Variants in SLC35D4 observed in about 807,000 individuals in gnomAD.
SLC35D4 encodes the protein solute carrier family 35 member D4.
chr18:23,333,481 T>A, the SLC35D4 span, among the ~76,000 whole-genome samples: 1 of 152,226 alleles, frequency 6.6e-6, no homozygotes, highest in Non-Finnish European at 1.5e-5. Context: ...GCCAAAGTGT[T>A]GTACTCCCTT....
the SLC35D4 span, chr18:23,368,681 G>A: frequency 8.1e-7 from 1 of 1,233,052 alleles, no homozygotes. Flanking sequence ...ATTAGGATAT[G>A]AATTGTTCTT....
chr18:23,400,605 C>T, the SLC35D4 span, among the ~76,000 whole-genome samples: 32 of 152,050 alleles, frequency 2.1e-4, no homozygotes, highest in South Asian at 8.3e-4. Context: ...CCAACCTGGG[C>T]GACAGAGCAA....
the SLC35D4 span, among the ~76,000 whole-genome samples, chr18:23,249,671 G>A: frequency 6.6e-6 from 1 of 152,106 alleles, no homozygotes; most frequent in Non-Finnish European, 1.5e-5. Context: ...ATCTCATCTC[G>A]TTTTGGAGGA....
At chr18:23,372,038 C>G in the SLC35D4 span, among the ~76,000 whole-genome samples, 1 of 141,136 alleles carries the variant, frequency 7.1e-6, no homozygotes, top group Non-Finnish European at 1.5e-5. Flanking sequence ...CGGGTTCACG[C>G]CATTCTCCTG....
chr18:23,338,031 C>G, the SLC35D4 span, among the ~76,000 whole-genome samples: 1 of 152,188 alleles, frequency 6.6e-6, no homozygotes, highest in African/African-American at 2.4e-5. Flanking sequence ...GTTATGGAGA[C>G]AGCTTTGAAG....
the SLC35D4 span, among the ~76,000 whole-genome samples, chr18:23,298,398 A>T: frequency 1.3e-5 from 2 of 152,224 alleles, no homozygotes; most frequent in Admixed American, 1.3e-4. Flanking sequence ...GGCAGGAGAG[A>T]TCCCATAGAG....
chr18:23,430,706 A>G, the SLC35D4 span: 1 of 1,589,690 alleles, frequency 6.3e-7, no homozygotes, highest in African/African-American at 1.3e-5. Context: ...ATTACTGGAC[A>G]TTTCAAATGA....
chr18:23,382,334 C>A, the SLC35D4 span, among the ~76,000 whole-genome samples: 1 of 151,104 alleles, frequency 6.6e-6, no homozygotes, highest in Non-Finnish European at 1.5e-5. Context: ...AGCTAAGCCA[C>A]TCTCAGGGAA....
At chr18:23,382,692 T>C in the SLC35D4 span, among the ~76,000 whole-genome samples, 4 of 152,078 alleles carry the variant, frequency 2.6e-5, no homozygotes, top group African/African-American at 9.7e-5. Flanking sequence ...CACGATGGTG[T>C]TGTAAGTAAA....
At chr18:23,275,615 T>C in the SLC35D4 span, among the ~76,000 whole-genome samples, 3 of 141,378 alleles carry the variant, frequency 2.1e-5, no homozygotes, top group Admixed American at 7.1e-5. Context: ...TGCTGTGCTG[T>C]GCTGTGCTGT....
chr18:23,344,703 G>A, the SLC35D4 span, among the ~76,000 whole-genome samples: 1 of 150,524 alleles, frequency 6.6e-6, no homozygotes, highest in African/African-American at 2.4e-5. Flanking sequence ...CTGGGTTCAT[G>A]CCATTTTCCT....
At chr18:23,419,284 T>C in the SLC35D4 span, among the ~76,000 whole-genome samples, 2 of 143,666 alleles carry the variant, frequency 1.4e-5, no homozygotes, top group South Asian at 2.2e-4. Context: ...CTTTAAAATT[T>C]CTTTTTTTTC....
chr18:23,309,076 T>C, the SLC35D4 span, among the ~76,000 whole-genome samples: 1 of 152,094 alleles, frequency 6.6e-6, no homozygotes, highest in South Asian at 2.1e-4. Flanking sequence ...GCTATGTAAA[T>C]AGTTGTTATA....
the SLC35D4 span, among the ~76,000 whole-genome samples, chr18:23,349,883 T>C: frequency 1.3e-5 from 2 of 152,242 alleles, no homozygotes; most frequent in African/African-American, 4.8e-5. Context: ...AGATTCTGTA[T>C]TCACCGAGTC....
At chr18:23,350,123 C>A in the SLC35D4 span, among the ~76,000 whole-genome samples, 2 of 152,222 alleles carry the variant, frequency 1.3e-5, no homozygotes, top group South Asian at 4.1e-4. Flanking sequence ...ACTCTGAAAT[C>A]TGACTTTCCC....
chr18:23,415,515 TGAGCC>T, the SLC35D4 span, among the ~76,000 whole-genome samples: 1 of 152,256 alleles, frequency 6.6e-6, no homozygotes, highest in Non-Finnish European at 1.5e-5. Flanking sequence ...AAATTACACC[TGAGCC>T]TGCCTTCTGC....
chr18:23,412,884 G>T, the SLC35D4 span, among the ~76,000 whole-genome samples: 1 of 152,178 alleles, frequency 6.6e-6, no homozygotes, highest in Non-Finnish European at 1.5e-5. Context: ...ATTTACTCCT[G>T]GCACATCTGT....
the SLC35D4 span, among the ~76,000 whole-genome samples, chr18:23,306,294 T>G: frequency 6.6e-6 from 1 of 151,628 alleles, no homozygotes; most frequent in African/African-American, 2.4e-5. Flanking sequence ...TGGAAAAAAA[T>G]ACTTACTTTC....
the SLC35D4 span, among the ~76,000 whole-genome samples, chr18:23,246,265 C>CA: frequency 0.045 from 6,304 of 140,634 alleles, 265 homozygotes; most frequent in African/African-American, 0.11. Flanking sequence ...GACTCCATCT[C>CA]AAAAAAAAAA....
Sources: gnomAD v4.1 joint callset for allele counts (sites outside exome capture counted in the v4.1 genomes callset) on GRCh38, gnomAD v4.1.1 for gene constraint, MANE v1.5 for transcripts, NCBI Gene and HGNC (gene_info 2026-07-23, HGNC 2026-07-21) for gene names.